The following DUS2 variants were observed in gnomAD, a reference collection of about 807,000 sequenced individuals.
The protein encoded by DUS2 is tRNA-dihydrouridine(20) synthase [NAD(P)+]-like.
DUS2 carries 52 observed loss-of-function variants against 71.3 expected under a neutral mutation model. The ratio of observed to expected loss-of-function variants is 0.73; its 90% CI spans 0.58 to 0.92. The LOEUF (loss-of-function observed/expected upper bound fraction) is 0.92, where lower values mean the gene tolerates loss of function less well. Among genes scored for constraint, DUS2 ranks in the 40% least tolerant of loss-of-function variants. The pLI, the probability that DUS2 is intolerant of heterozygous loss-of-function variation, is 0.00. For synonymous variants in DUS2, 204 were observed against 227.8 expected, an observed-to-expected ratio of 0.90 and a Z score of 0.94; for missense variants, 558 against 622.6, an observed-to-expected ratio of 0.90 and a Z score of 1.10.
intron 8 of DUS2, among the ~76,000 whole-genome samples, chr16:68,063,444 A>G (rs1435318745): frequency 6.6e-6 from 1 of 152,212 alleles, no homozygotes; most frequent in African/African-American, 2.4e-5. Context: ...GGGTTATGAA[A>G]AACTTTGGAA....
rs778897833 is a variant in DUS2 at position 68,076,634 on chromosome 16, G to A, written c.1085G>A (p.Arg362Lys). The A allele has an allele frequency of 1.1e-5, 17 of 1,613,600 alleles. No homozygotes were observed. The highest frequency in any genetic ancestry group is 2.2e-5 in the East Asian group (1 of 44,872). ...ACTGCTTCCCTTCCTTTCCCCAGGAGAGCATACCCAGCCCAGATCACCCCT... is the reference window on the plus strand; with the variant it reads ...ACTGCTTCCCTTCCTTTCCCCAGGAAAGCATACCCAGCCCAGATCACCCCT... The part of the protein sequence containing the change: ...VIKMAVKFDR[R>K]AYPAQITPKM... Residue 362 changes from arginine to lysine, a missense_variant and splice_region_variant, in exon 15 of 17, where the codon AGA (arginine) becomes AAA (lysine). Physicochemically the swap from Arg to Lys is conservative, Grantham distance 26 (BLOSUM62 2). Transcript: ENST00000565263.
intron 2 of DUS2, among the ~76,000 whole-genome samples, chr16:68,027,268 T>C (rs8046975): frequency 0.23 from 35,302 of 151,074 alleles, 4,789 homozygotes; most frequent in African/African-American, 0.36. Flanking sequence ...GATGGAGTTT[T>C]GCTCTTGTTG....
At chr16:68,036,082 C>T (rs1391466800) in intron 2 of DUS2, among the ~76,000 whole-genome samples, 2 of 150,884 alleles carry the variant, frequency 1.3e-5, no homozygotes, top group Admixed American at 1.3e-4. Flanking sequence ...TTGCAACCTC[C>T]ACCTCCTGGG....
At chr16:68,047,197 G>A (rs112577418) in intron 3 of DUS2, among the ~76,000 whole-genome samples, 1,989 of 147,464 alleles carry the variant, frequency 0.013, 43 homozygotes, top group African/African-American at 0.047. Flanking sequence ...CTGGGATTAC[G>A]GGCACGTGCC....
At chr16:68,037,181 T>TC (rs60687155) in intron 2 of DUS2, among the ~76,000 whole-genome samples, 21 of 151,802 alleles carry the variant, frequency 1.4e-4, no homozygotes, top group African/African-American at 4.8e-4. Flanking sequence ...TTTTTTTTTT[T>TC]CTCTAATGTA....
At chr16:68,039,612 G>A (rs1466034861) in intron 3 of DUS2, among the ~76,000 whole-genome samples, 4 of 151,986 alleles carry the variant, frequency 2.6e-5, no homozygotes, top group African/African-American at 4.8e-5. Flanking sequence ...TAGTAGAGAC[G>A]GGGTTTCACT....
At chr16:68,039,118 C>T (rs929192396) in intron 3 of DUS2, among the ~76,000 whole-genome samples, 3 of 151,766 alleles carry the variant, frequency 2.0e-5, no homozygotes, top group African/African-American at 4.8e-5. Flanking sequence ...AGGAGATTGG[C>T]GGAAAACAAA....
chr16:68,063,393 C>G (rs1341931199), intron 8 of DUS2, among the ~76,000 whole-genome samples: 2 of 152,146 alleles, frequency 1.3e-5, no homozygotes, highest in Non-Finnish European at 2.9e-5. Context: ...GTGGGAGTAT[C>G]TCAAGACCAC....
At chr16:68,069,298 G>A (rs117704014) in intron 10 of DUS2, among the ~76,000 whole-genome samples, 7,632 of 152,234 alleles carry the variant, frequency 0.05, 255 homozygotes, top group Non-Finnish European at 0.08. Context: ...GGCTGAGGTA[G>A]AATTGCCTGA....
At position 68,052,955 on chromosome 16, in the gene DUS2, T is replaced by C. The variant is rs527322350; in HGVS notation, c.173-609T>C. 3.1e-4 allele frequency among the ~76,000 whole-genome samples: 46 copies of C among 149,440 alleles called. No homozygotes were observed. The South Asian group carries it at 9.5e-3, about 31-fold the overall frequency. On this transcript the variant is annotated intron_variant, in intron 4 of 16. Transcript: ENST00000565263. ...ACTGCGCCCGGCTATGTATGTACAT[T>C]TTGTTTCAACATTTTTTTTTTTTTC... is the stretch of plus-strand genomic sequence containing the variant.
At chr16:68,052,202 A>G (rs7201591) in intron 4 of DUS2, among the ~76,000 whole-genome samples, 35,874 of 151,994 alleles carry the variant, frequency 0.24, 4,900 homozygotes, top group African/African-American at 0.36. Context: ...CACCGCACCC[A>G]GCCACTTGGG....
chr16:68,038,047 G>A lies in DUS2; in HGVS notation c.24G>A (p.Leu8=). 1 of 1,613,756 alleles carries A rather than the reference G, an allele frequency of 6.2e-7. No homozygotes were observed. Among genetic ancestry groups the A allele is most frequent in the Admixed American group, 1.7e-5 (1 of 59,964 alleles). Residue 8 remains leucine, a synonymous_variant, in exon 3 of 17, where the codon CTG becomes CTA. Transcript: ENST00000565263. MILNSLS[L]CYHNKLILAP... is the part of the protein sequence containing the mutation. ...AAATGATTTTGAATAGCCTCTCTCT[G>A]TGTTACCATAATAAGCTAATCCTGG...
intron 2 of DUS2, among the ~76,000 whole-genome samples, chr16:68,036,701 A>G (rs1485442255): frequency 2.6e-5 from 4 of 152,136 alleles, no homozygotes; most frequent in Non-Finnish European, 5.9e-5. Context: ...TGGCCTCCCA[A>G]AGTATTGGGA....
chr16:68,076,734 G>T lies in DUS2; in HGVS notation c.1170+15G>T. ...TGTATGAAACGGTGAGTTCCTGGCT[G>T]TGGCCTGCCCTGCAGCCAGTCACAG... is the stretch of plus-strand genomic sequence containing the variant. On this transcript the variant is annotated intron_variant, in intron 15 of 16. Coordinates refer to ENST00000565263, the MANE Select transcript of DUS2 (RefSeq NM_017803.5). The T allele has an allele frequency of 6.2e-7, 1 of 1,609,682 alleles. No individual in the cohort carries two copies. Among genetic ancestry groups the T allele is most frequent in the Non-Finnish European group, 8.5e-7 (1 of 1,176,260 alleles).
intron 3 of DUS2, among the ~76,000 whole-genome samples, chr16:68,047,695 A>G (rs1484692272): frequency 2.7e-5 from 4 of 150,918 alleles, no homozygotes; most frequent in Non-Finnish European, 5.9e-5. Context: ...GTTGGCCAGG[A>G]TGGTCTTGAA....
intron 2 of DUS2, among the ~76,000 whole-genome samples, chr16:68,033,203 T>C (rs907029463): frequency 6.6e-6 from 1 of 152,138 alleles, no homozygotes; most frequent in African/African-American, 2.4e-5. Context: ...TGTGCTAAAG[T>C]CCTGGCAACA....
chr16:68,078,153 T>G, intron 15 of DUS2: 18 of 407,560 alleles, frequency 4.4e-5, no homozygotes, highest in East Asian at 4.8e-5. Context: ...TGACTCCTCA[T>G]TTTGGGGACC....
At chr16:68,038,968 G>A (rs2033578619) in intron 3 of DUS2, among the ~76,000 whole-genome samples, 1 of 151,794 alleles carries the variant, frequency 6.6e-6, no homozygotes, top group Non-Finnish European at 1.5e-5. Context: ...GGAGGCTGAG[G>A]CATGAGGATT....
intron 3 of DUS2, among the ~76,000 whole-genome samples, chr16:68,040,127 G>A (rs1176045851): frequency 8.7e-5 from 13 of 149,992 alleles, no homozygotes; most frequent in Admixed American, 7.4e-4. Flanking sequence ...TCTGCCTTCC[G>A]AGGCTGGAGT....
Sources: gnomAD v4.1 joint callset for allele counts (sites outside exome capture counted in the v4.1 genomes callset) on GRCh38, gnomAD v4.1.1 for gene constraint, MANE v1.5 for transcripts, NCBI Gene and HGNC (gene_info 2026-07-23, HGNC 2026-07-21) for gene names.